HABP2: variants seen among roughly 807,000 people sequenced by gnomAD.
HABP2 encodes the protein hyaluronan binding protein 2, also known as factor VII-activating protease.
Under a neutral mutation model 66.5 loss-of-function variants are expected in HABP2, and 65 were observed. That is an observed-to-expected ratio of 0.98 (90% CI 0.80 to 1.20). The LOEUF (loss-of-function observed/expected upper bound fraction) is 1.20. Among genes scored for constraint, HABP2 ranks in the 50% most tolerant of loss-of-function variants. HABP2 has a pLI of 0.00. For missense variants in HABP2, 786 were observed against 691.0 expected (o/e 1.14, Z -1.54); for synonymous variants, 263 against 253.9 (o/e 1.04, Z -0.34).
At chr10:113,570,426 C>A (rs1845284486) in intron 2 of HABP2, among the ~76,000 whole-genome samples, 1 of 152,210 alleles carries the variant, frequency 6.6e-6, no homozygotes, top group Admixed American at 6.5e-5. Context: ...ACAAGAATTT[C>A]TTTTTATTCC....
chr10:113,574,530 A>G (rs1845373969), intron 3 of HABP2, 125 bp downstream of exon 3: 2 of 600,914 alleles, frequency 3.3e-6, no homozygotes, highest in Non-Finnish European at 6.0e-6. Flanking sequence ...CTATGGAAGA[A>G]ATTATTTGGA....
At chr10:113,579,670 G>T (rs1254815374) in intron 7 of HABP2, among the ~76,000 whole-genome samples, 1 of 152,208 alleles carries the variant, frequency 6.6e-6, no homozygotes. Context: ...ACTACCCTTT[G>T]TCTGGCCAAG....
At position 113,588,273 on chromosome 10, in the gene HABP2, G is replaced by T; in HGVS notation, c.1587G>T (p.Trp529Cys). Residue 529 changes from tryptophan (W) to cysteine (C), a missense_variant, in exon 13 of 13, where the codon TGG becomes TGT. Physicochemically the swap from Trp to Cys is radical, Grantham distance 215. Coordinates refer to ENST00000351270, the MANE Select transcript of HABP2 (RefSeq NM_004132.5). ...GTYYVYGIVSWGLECGKRPGV... is the reference protein window; with the variant it reads ...GTYYVYGIVSCGLECGKRPGV... ...ACTACGTCTATGGGATAGTGAGCTG[G>T]GGCCTGGAGTGTGGGAAGAGGCCAG... 1.9e-6 allele frequency: 3 copies of T among 1,613,646 alleles called. No individual in the cohort carries two copies. Among genetic ancestry groups the T allele is most frequent in the Non-Finnish European group, 2.5e-6 (3 of 1,179,684 alleles).
chr10:113,577,427 T>C (rs536082636), intron 5 of HABP2, among the ~76,000 whole-genome samples, 161 bp downstream of exon 5: 1 of 152,284 alleles, frequency 6.6e-6, no homozygotes, highest in East Asian at 1.9e-4. Flanking sequence ...CTGGATTGAC[T>C]CCACCCAGTG....
chr10:113,574,949 A>ATG (rs1316501814), intron 3 of HABP2, among the ~76,000 whole-genome samples: 10 of 151,464 alleles, frequency 6.6e-5, no homozygotes, highest in African/African-American at 1.9e-4. Flanking sequence ...ATGTGTGCAT[A>ATG]TGTGTGTGTG....
intron 10 of HABP2, 52 bp from the exon 11 acceptor site, chr10:113,584,096 C>T: frequency 6.3e-7 from 1 of 1,575,494 alleles, no homozygotes; most frequent in Non-Finnish European, 8.7e-7. Context: ...GCTGGTGCTT[C>T]TCTGACAAAG....
chr10:113,583,032 G>GA (rs1845569590), intron 9 of HABP2, among the ~76,000 whole-genome samples, 184 bp from the exon 10 acceptor site: 1 of 152,198 alleles, frequency 6.6e-6, no homozygotes, highest in African/African-American at 2.4e-5. Flanking sequence ...TATATTTGGA[G>GA]CTTGCTTCTG....
At chr10:113,566,356 G>A (rs1845197786) in intron 1 of HABP2, among the ~76,000 whole-genome samples, 1 of 152,240 alleles carries the variant, frequency 6.6e-6, no homozygotes, top group South Asian at 2.1e-4. Context: ...CTTGGCCCAA[G>A]GGCCCTTATT....
At chr10:113,584,109 G>A (rs756861616) in intron 10 of HABP2, 39 bp from the exon 11 acceptor site, 59 of 1,602,470 alleles carry the variant, frequency 3.7e-5, no homozygotes, top group Non-Finnish European at 5.0e-5. Flanking sequence ...TGACAAAGAG[G>A]TGACATCGCA....
At chr10:113,570,817 A>T (rs1390684388) in intron 2 of HABP2, among the ~76,000 whole-genome samples, 2 of 152,256 alleles carry the variant, frequency 1.3e-5, no homozygotes, top group Non-Finnish European at 2.9e-5. Flanking sequence ...CGTCAATCAC[A>T]TACATTAACT....
chr10:113,570,970 A>G (rs1456162475), intron 2 of HABP2, among the ~76,000 whole-genome samples: 1 of 152,232 alleles, frequency 6.6e-6, no homozygotes, highest in Non-Finnish European at 1.5e-5. Flanking sequence ...AGGTCTAGCT[A>G]TGACACTTAA....
chr10:113,585,626 G>A (rs1395469045), intron 11 of HABP2, among the ~76,000 whole-genome samples, 167 bp from the exon 12 acceptor site: 1 of 152,166 alleles, frequency 6.6e-6, no homozygotes, highest in Non-Finnish European at 1.5e-5. Context: ...GGTCTGCACT[G>A]GCATGGTGAA....
At chr10:113,553,967 G>A (rs1030910949) in intron 1 of HABP2, among the ~76,000 whole-genome samples, 9 of 152,294 alleles carry the variant, frequency 5.9e-5, no homozygotes, top group African/African-American at 1.2e-4. Flanking sequence ...TTGGAGTTCC[G>A]TGCTGGTTGT....
In HABP2 at chr10:113,564,135, A is replaced by T. The variant is rs1438563377; in HGVS notation, c.70-3354A>T. 2.0e-5 allele frequency among the ~76,000 whole-genome samples: 3 copies of T among 152,318 alleles called. No homozygotes were observed. The East Asian group carries it at 5.8e-4, about 29-fold the overall frequency. Reference sequence around the variant, plus strand: ...TGGCAGAAGGTGAAAGACACGTCTTACATGGTGGCAGGCAAAACAGTGTAT... The same window carrying T: ...TGGCAGAAGGTGAAAGACACGTCTTTCATGGTGGCAGGCAAAACAGTGTAT... On this transcript the variant is annotated intron_variant, in intron 1 of 12. Coordinates refer to ENST00000351270, the MANE Select transcript of HABP2 (RefSeq NM_004132.5).
At chr10:113,558,010 T>C (rs528643931) in intron 1 of HABP2, among the ~76,000 whole-genome samples, 2 of 152,280 alleles carry the variant, frequency 1.3e-5, no homozygotes, top group South Asian at 4.1e-4. Flanking sequence ...ACAAGCACTG[T>C]GGTTGAGATC....
chr10:113,556,136 G>A (rs945491195), intron 1 of HABP2, among the ~76,000 whole-genome samples: 5 of 152,198 alleles, frequency 3.3e-5, no homozygotes, highest in African/African-American at 1.2e-4. Context: ...AATCTTCCCA[G>A]GGATAGAGCC....
At chr10:113,586,475 TGGG>T (rs58042481) in intron 12 of HABP2, among the ~76,000 whole-genome samples, 26 of 80,400 alleles carry the variant, frequency 3.2e-4, no homozygotes, top group South Asian at 6.1e-4. Flanking sequence ...TGTGTGTGTG[TGGG>T]GGGGGGGGGG....
At chr10:113,574,580 T>G (rs1011427610) in intron 3 of HABP2, among the ~76,000 whole-genome samples, 175 bp downstream of exon 3, 1 of 152,200 alleles carries the variant, frequency 6.6e-6, no homozygotes, top group African/African-American at 2.4e-5. Flanking sequence ...CTATGAGGAC[T>G]GGGGAAGTTC....
Position 113,588,839 on chromosome 10 carries a change from A to G in HABP2, c.*470A>G, listed in dbSNP as rs1845740354. ...TACAACATTCTCCATCTGCTTTCAG[A>G]GTTATTATTTTAATAAAGGAAGATC... On this transcript the variant is annotated 3_prime_UTR_variant, in exon 13 of 13. Transcript: ENST00000351270. The G allele has an allele frequency of 1.7e-5, 12 of 696,112 alleles. No individual in the cohort carries two copies. In the South Asian group the frequency reaches 1.9e-4, roughly 11 times the overall value. The allele number at this position is 696,112 out of a possible 1,614,324, so 43.1% of individuals were successfully genotyped here.
Sources: gnomAD v4.1 joint callset for allele counts (sites outside exome capture counted in the v4.1 genomes callset) on GRCh38, gnomAD v4.1.1 for gene constraint, MANE v1.5 for transcripts, NCBI Gene and HGNC (gene_info 2026-07-23, HGNC 2026-07-21) for gene names.